SLIT2: variants seen among roughly 807,000 people sequenced by gnomAD.
SLIT2 encodes slit guidance ligand 2, also known as slit homolog 2 protein.
SLIT2 carries 41 observed loss-of-function variants against 185.7 expected under a neutral mutation model. That is an observed-to-expected ratio of 0.22 (90% CI 0.17 to 0.29). The LOEUF (loss-of-function observed/expected upper bound fraction) is 0.29. Ranked by LOEUF, SLIT2 falls within the 10% of genes least tolerant of loss-of-function variation. SLIT2 has a pLI of 1.00. For synonymous variants in SLIT2, 693 were observed against 680.2 expected (o/e 1.02, Z -0.29); for missense variants, 1,571 against 1,909.0 (o/e 0.82, Z 3.30).
intron 4 of SLIT2, among the ~76,000 whole-genome samples, chr4:20,378,054 T>A (rs1409866728): frequency 6.6e-6 from 1 of 152,182 alleles, no homozygotes; most frequent in Non-Finnish European, 1.5e-5. Flanking sequence ...CATTATGATA[T>A]GTATTATTAT....
intron 9 of SLIT2, among the ~76,000 whole-genome samples, chr4:20,500,688 C>T (rs117007174): frequency 0.013 from 2,032 of 152,164 alleles, 28 homozygotes; most frequent in South Asian, 0.074. Context: ...GGAAACTATA[C>T]GTCTCCTAAA....
intron 4 of SLIT2, among the ~76,000 whole-genome samples, chr4:20,404,901 T>A (rs150857506): frequency 6.6e-6 from 1 of 152,098 alleles, no homozygotes; most frequent in East Asian, 1.9e-4. Context: ...ATTTAAAGGG[T>A]CTACCATTAA....
chr4:20,255,679 G>T (rs1014537589), intron 1 of SLIT2, among the ~76,000 whole-genome samples: 1 of 152,160 alleles, frequency 6.6e-6, no homozygotes, highest in South Asian at 2.1e-4. Flanking sequence ...GGTGGGTGGG[G>T]GTGAGGGGGG....
At chr4:20,495,051 G>T (rs563009655) in intron 9 of SLIT2, among the ~76,000 whole-genome samples, 2 of 152,274 alleles carry the variant, frequency 1.3e-5, no homozygotes, top group South Asian at 4.1e-4. Flanking sequence ...CCAAGCTGGG[G>T]TCTGAGAGAA....
intron 4 of SLIT2, among the ~76,000 whole-genome samples, chr4:20,452,494 C>T (rs1041170545): frequency 6.6e-6 from 1 of 152,014 alleles, no homozygotes; most frequent in Admixed American, 6.6e-5. Context: ...AAACCGTCCT[C>T]TTATTCCTTC....
intron 5 of SLIT2, among the ~76,000 whole-genome samples, chr4:20,472,272 A>ATATATCTATATC (rs1337537893): frequency 2.9e-5 from 1 of 34,648 alleles, no homozygotes; most frequent in African/African-American, 1.9e-4. Flanking sequence ...ATATAGATAT[A>ATATATCTATATC]TATCTATATA....
chr4:20,434,113 G>A (rs1172151664), intron 4 of SLIT2, among the ~76,000 whole-genome samples: 2 of 152,172 alleles, frequency 1.3e-5, no homozygotes, highest in African/African-American at 2.4e-5. Flanking sequence ...GTCATCGGGG[G>A]AAGGCAGGTA....
chr4:20,461,243 G>A (rs1713674882), intron 4 of SLIT2, among the ~76,000 whole-genome samples: 2 of 152,320 alleles, frequency 1.3e-5, no homozygotes, highest in South Asian at 4.1e-4. Context: ...CATATAAAAG[G>A]AGAATTAAGA....
Position 20,541,631 on chromosome 4 carries a change from T to C in SLIT2, c.2143+12T>C, listed in dbSNP as rs768116156. ...CACTTGTGATGACGGTAAGAAATAC[T>C]TATCAACTCTTTGATTGTCAGGCAT... is the stretch of plus-strand genomic sequence containing the variant. On this transcript the variant is annotated intron_variant, in intron 20 of 36. Transcript: ENST00000504154. 1 of 1,611,030 alleles carries C rather than the reference T, an allele frequency of 6.2e-7. No individual in the cohort carries two copies. Among genetic ancestry groups the C allele is most frequent in the East Asian group, 2.2e-5 (1 of 44,872 alleles).
chr4:20,434,902 T>A (rs1043308660), intron 4 of SLIT2, among the ~76,000 whole-genome samples: 1 of 152,166 alleles, frequency 6.6e-6, no homozygotes, highest in Non-Finnish European at 1.5e-5. Flanking sequence ...TGAGAACATA[T>A]GGCATATAGA....
chr4:20,407,637 A>T (rs781627257), intron 4 of SLIT2, among the ~76,000 whole-genome samples: 2 of 152,180 alleles, frequency 1.3e-5, no homozygotes, highest in African/African-American at 4.8e-5. Context: ...GCAGGAACAT[A>T]AAAGTATCTT....
At chr4:20,388,061 A>G (rs374828458) in intron 4 of SLIT2, among the ~76,000 whole-genome samples, 1 of 152,198 alleles carries the variant, frequency 6.6e-6, no homozygotes, top group South Asian at 2.1e-4. Flanking sequence ...TCTTCATGAA[A>G]CTAGGAAGTG....
At chr4:20,314,313 G>C (rs1718387812) in intron 4 of SLIT2, among the ~76,000 whole-genome samples, 1 of 152,170 alleles carries the variant, frequency 6.6e-6, no homozygotes, top group African/African-American at 2.4e-5. Flanking sequence ...AGCAAAGTAT[G>C]AACAACCTTC....
chr4:20,423,479 T>C (rs192070962), intron 4 of SLIT2, among the ~76,000 whole-genome samples: 134 of 152,190 alleles, frequency 8.8e-4, no homozygotes, highest in Non-Finnish European at 1.6e-3. Flanking sequence ...ATTTGAGAAA[T>C]ACAAAGTTTA....
intron 11 of SLIT2, among the ~76,000 whole-genome samples, chr4:20,516,627 C>T (rs928067852): frequency 6.6e-6 from 1 of 151,844 alleles, no homozygotes; most frequent in East Asian, 1.9e-4. Flanking sequence ...AGATTTTGGC[C>T]CTATTTCCTG....
At chr4:20,385,459 A>C (rs1474176116) in intron 4 of SLIT2, among the ~76,000 whole-genome samples, 6 of 152,150 alleles carry the variant, frequency 3.9e-5, no homozygotes, top group Non-Finnish European at 1.5e-5. Context: ...TGATGTCCTC[A>C]AAAGTTGTAT....
chr4:20,341,525 G>A (rs1277678070), intron 4 of SLIT2, among the ~76,000 whole-genome samples: 1 of 152,122 alleles, frequency 6.6e-6, no homozygotes, highest in Admixed American at 6.5e-5. Flanking sequence ...ATTTCCACAC[G>A]AACCAGGAGC....
intron 11 of SLIT2, among the ~76,000 whole-genome samples, chr4:20,518,635 C>T (rs1180405243): frequency 2.8e-5 from 2 of 72,620 alleles, no homozygotes; most frequent in Non-Finnish European, 4.9e-5. Flanking sequence ...GACGGAGTCT[C>T]GCTCTGTCGC....
At chr4:20,561,785 T>G (rs1161159854) in intron 26 of SLIT2, among the ~76,000 whole-genome samples, 3 of 151,684 alleles carry the variant, frequency 2.0e-5, no homozygotes, top group African/African-American at 7.3e-5. Context: ...TATGGTAGTA[T>G]GCTAAACGTA....
Sources: allele counts gnomAD v4.1 joint callset (sites outside exome capture counted in the v4.1 genomes callset), GRCh38; gene constraint gnomAD v4.1.1; transcripts MANE v1.5; gene names NCBI Gene and HGNC (gene_info 2026-07-23, HGNC 2026-07-21).